The following UNC13C variants were observed in gnomAD, a reference collection of about 807,000 sequenced individuals.
UNC13C encodes unc-13 homolog C, also known as protein unc-13 homolog C.
Under a neutral mutation model 245.4 loss-of-function variants are expected in UNC13C, and 174 were observed. That is an observed-to-expected ratio of 0.71 (90% CI 0.63 to 0.80). The LOEUF is 0.80. UNC13C is among the 30% of genes least tolerant of loss of function. UNC13C has a pLI of 0.00. For synonymous variants in UNC13C, 992 were observed against 895.1 expected (o/e 1.11, Z -1.93); for missense variants, 2,829 against 2,602.9 (o/e 1.09, Z -1.89).
chr15:54,103,451 A>C (rs946839251), intron 2 of UNC13C, among the ~76,000 whole-genome samples: 3 of 152,248 alleles, frequency 2.0e-5, no homozygotes, highest in African/African-American at 7.2e-5. Context: ...TCATATGTAC[A>C]AAGCAAATTA....
chr15:54,087,925 AC>A (rs1468238047), intron 2 of UNC13C, among the ~76,000 whole-genome samples: 1 of 152,192 alleles, frequency 6.6e-6, no homozygotes, highest in African/African-American at 2.4e-5. Flanking sequence ...CTTTAAGGCA[AC>A]TTTTGCTATT....
intron 28 of UNC13C, among the ~76,000 whole-genome samples, chr15:54,552,891 C>CTA (rs577794943): frequency 0.1 from 105 of 1,020 alleles, 15 homozygotes; most frequent in African/African-American, 0.36. Flanking sequence ...TTCTATATTA[C>CTA]TATATATATA....
chr15:54,044,431 T>G (rs574931538), intron 2 of UNC13C: 25 of 341,666 alleles, frequency 7.3e-5, no homozygotes, highest in African/African-American at 4.7e-4. Context: ...AAAGTTTCCT[T>G]GGATGTAGAT....
At chr15:54,605,046 C>G (rs1031716385) in intron 30 of UNC13C, among the ~76,000 whole-genome samples, 3 of 152,182 alleles carry the variant, frequency 2.0e-5, no homozygotes, top group Admixed American at 2.0e-4. Context: ...AGCAGGGGAA[C>G]TCACTGGGAG....
chr15:53,920,965 C>G, the UNC13C span, among the ~76,000 whole-genome samples: 1 of 151,456 alleles, frequency 6.6e-6, no homozygotes, highest in Non-Finnish European at 1.5e-5. Context: ...ATGGGAGTGA[C>G]CAAGGGAAGA....
At chr15:54,146,430 C>T (rs1200348088) in intron 4 of UNC13C, among the ~76,000 whole-genome samples, 1 of 152,130 alleles carries the variant, frequency 6.6e-6, no homozygotes, top group South Asian at 2.1e-4. Context: ...ACACTGAAAC[C>T]AGATAATGAA....
chr15:54,122,653 G>A (rs1160696373), intron 2 of UNC13C, among the ~76,000 whole-genome samples: 1 of 152,004 alleles, frequency 6.6e-6, no homozygotes. Flanking sequence ...TTGCTGTGAA[G>A]GCAACTGCTG....
At chr15:54,314,416 T>G (rs954572852) in intron 13 of UNC13C, among the ~76,000 whole-genome samples, 1 of 144,880 alleles carries the variant, frequency 6.9e-6, no homozygotes, top group Non-Finnish European at 1.5e-5. Context: ...GATAAACATG[T>G]AATTTTTATT....
chr15:54,187,174 A>G (rs2034020345), intron 4 of UNC13C, among the ~76,000 whole-genome samples: 1 of 152,102 alleles, frequency 6.6e-6, no homozygotes, highest in Non-Finnish European at 1.5e-5. Context: ...TTTAAATTAG[A>G]TCAAAATTAT....
chr15:54,546,543 A>G (rs1279701117), intron 26 of UNC13C, among the ~76,000 whole-genome samples, 179 bp from the exon 27 acceptor site: 2 of 152,158 alleles, frequency 1.3e-5, no homozygotes, highest in African/African-American at 4.8e-5. Context: ...TGCTGATTTC[A>G]TTTTCCATCA....
At chr15:54,607,871 C>G (rs553807127) in intron 30 of UNC13C, among the ~76,000 whole-genome samples, 1 of 152,270 alleles carries the variant, frequency 6.6e-6, no homozygotes, top group Admixed American at 6.5e-5. Context: ...GTTCCCTCCC[C>G]CAACACTGGG....
chr15:54,569,440 A>G (rs753863113), intron 30 of UNC13C, among the ~76,000 whole-genome samples: 1 of 152,208 alleles, frequency 6.6e-6, no homozygotes, highest in Non-Finnish European at 1.5e-5. Context: ...TGTTTATGGA[A>G]TAATAACAAG....
At chr15:54,016,915 A>G (rs1321633098) in intron 2 of UNC13C, among the ~76,000 whole-genome samples, 3 of 152,230 alleles carry the variant, frequency 2.0e-5, no homozygotes, top group Non-Finnish European at 4.4e-5. Flanking sequence ...ACCAAGTGTT[A>G]CTTGCTATTA....
chr15:54,100,145 A>C (rs1320638342), intron 2 of UNC13C, among the ~76,000 whole-genome samples: 6 of 148,108 alleles, frequency 4.1e-5, no homozygotes, highest in East Asian at 2.0e-4. Context: ...TTCTCCTTGC[A>C]CTCCTCCAAG....
intron 19 of UNC13C, among the ~76,000 whole-genome samples, chr15:54,438,277 A>T (rs1890329899): frequency 6.6e-6 from 1 of 151,936 alleles, no homozygotes; most frequent in African/African-American, 2.4e-5. Context: ...CGTGTCTTCT[A>T]ATGGCTCTGA....
intron 2 of UNC13C, among the ~76,000 whole-genome samples, chr15:54,132,981 A>G (rs1335066454): frequency 1.3e-5 from 2 of 152,138 alleles, no homozygotes; most frequent in African/African-American, 4.8e-5. Flanking sequence ...GGGAGAAAAT[A>G]CAACATTTTT....
chr15:53,866,732 T>G, the UNC13C span, among the ~76,000 whole-genome samples: 3 of 152,190 alleles, frequency 2.0e-5, no homozygotes, highest in African/African-American at 7.2e-5. Flanking sequence ...TGCTAGAAAT[T>G]TACTCATTCA....
At chr15:54,167,656 A>G (rs1047239064) in intron 4 of UNC13C, among the ~76,000 whole-genome samples, 3 of 150,228 alleles carry the variant, frequency 2.0e-5, no homozygotes, top group Admixed American at 6.6e-5. Flanking sequence ...CTCTCACACC[A>G]TCCACATACA....
At chr15:54,488,696 C>A (rs949783526) in intron 19 of UNC13C, among the ~76,000 whole-genome samples, 1 of 152,160 alleles carries the variant, frequency 6.6e-6, no homozygotes, top group Non-Finnish European at 1.5e-5. Context: ...TCACATTCTT[C>A]CCAATTGCCA....
Sources: gnomAD v4.1 joint callset for allele counts (sites outside exome capture counted in the v4.1 genomes callset) on GRCh38, gnomAD v4.1.1 for gene constraint, MANE v1.5 for transcripts, NCBI Gene and HGNC (gene_info 2026-07-23, HGNC 2026-07-21) for gene names.